Variants in SP100 observed in about 807,000 individuals in gnomAD.
SP100 encodes the protein SP100 nuclear body protein.
SP100 carries 84 observed loss-of-function variants against 130.0 expected under a neutral mutation model. That is an observed-to-expected ratio of 0.65 (90% CI 0.54 to 0.77). The LOEUF is 0.77. SP100 is among the 30% of genes least tolerant of loss of function. The probability of loss-of-function intolerance (pLI) is 0.00; values close to 1 mark genes in which losing one functional copy is unlikely to be tolerated. For synonymous variants in SP100, 331 were observed against 351.7 expected (o/e 0.94, Z 0.66); for missense variants, 978 against 1,052.2 (o/e 0.93, Z 0.97).
At chr2:230,441,003 C>T (rs1239047368) in intron 2 of SP100, among the ~76,000 whole-genome samples, 1 of 151,720 alleles carries the variant, frequency 6.6e-6, no homozygotes, top group Non-Finnish European at 1.5e-5. Context: ...GATTTCTTCC[C>T]ATCAAAAGAC....
rs1481249150 is a variant in SP100 at position 230,466,304 on chromosome 2, C to T, written c.1145C>T (p.Pro382Leu). ...GTTTCTCCCTTTTACTTTACAGAGC[C>T]CATGGATTTCAGAAAATTATCTACA... ...TCSRPQIVPE[P>L]MDFRKLSTFR... The change falls in exon 12 of 29, where the codon CCC (proline) becomes CTC (leucine). Residue 382 changes from proline (P) to leucine (L), a missense_variant. By Grantham distance (98) the Pro-to-Leu change is moderately conservative. Coordinates refer to ENST00000340126, the MANE Select transcript of SP100 (RefSeq NM_001080391.2). The T allele has an allele frequency of 6.4e-7, 1 of 1,574,190 alleles. No individual in the cohort carries two copies. The highest frequency in any genetic ancestry group is 2.2e-5 in the East Asian group (1 of 44,572).
chr2:230,449,735 A>C, intron 7 of SP100, 25 bp downstream of exon 7: 1 of 1,613,614 alleles, frequency 6.2e-7, no homozygotes, highest in Non-Finnish European at 8.5e-7. Flanking sequence ...GTTGGCATGA[A>C]TGGGGAGGAG....
intron 24 of SP100, among the ~76,000 whole-genome samples, chr2:230,520,368 G>T (rs1691115269): frequency 6.6e-6 from 1 of 152,168 alleles, no homozygotes; most frequent in South Asian, 2.1e-4. Context: ...AGGAAAGGTT[G>T]TCCCATCCAA....
chr2:230,504,183 C>T lies in SP100; in HGVS notation c.1766-3C>T, dbSNP rs1365224249. On this transcript the variant is annotated splice_region_variant and splice_polypyrimidine_tract_variant and intron_variant, in intron 20 of 28. Transcript: ENST00000340126. ...GAATGGAAAAAAAAATGCTTCCTTG[C>T]AGGTCCAAGAATTCCCAAAGATGAA... 1 of 1,581,304 alleles carries T rather than the reference C, an allele frequency of 6.3e-7. No homozygotes were observed. The highest frequency in any genetic ancestry group is 8.7e-7 in the Non-Finnish European group (1 of 1,152,116).
chr2:230,486,294 C>A (rs2150028407), intron 17 of SP100, among the ~76,000 whole-genome samples: 2 of 152,148 alleles, frequency 1.3e-5, no homozygotes, highest in South Asian at 4.2e-4. Context: ...TGGTGGTTTG[C>A]TGTACTGATT....
intron 17 of SP100, among the ~76,000 whole-genome samples, chr2:230,487,575 T>C (rs1451075302): frequency 6.6e-6 from 1 of 152,256 alleles, no homozygotes; most frequent in Admixed American, 6.5e-5. Context: ...TTGGTTACTG[T>C]AGCCTTGTAG....
At chr2:230,484,680 A>C (rs148787007) in intron 17 of SP100, among the ~76,000 whole-genome samples, 1 of 152,214 alleles carries the variant, frequency 6.6e-6, no homozygotes, top group Admixed American at 6.5e-5. Flanking sequence ...CTTCCCTTGC[A>C]TTATATCTTT....
intron 8 of SP100, among the ~76,000 whole-genome samples, chr2:230,458,340 G>A (rs1198655880): frequency 6.6e-6 from 1 of 152,160 alleles, no homozygotes; most frequent in African/African-American, 2.4e-5. Context: ...TTCATTAAGT[G>A]GCAATAGGTA....
intron 24 of SP100, among the ~76,000 whole-genome samples, chr2:230,522,104 C>T (rs558758109): frequency 1.8e-4 from 28 of 152,232 alleles, no homozygotes; most frequent in African/African-American, 6.5e-4. Flanking sequence ...GGATTGGCTC[C>T]TATCGATTTG....
intron 5 of SP100, among the ~76,000 whole-genome samples, chr2:230,448,549 A>T (rs761563859): frequency 1.3e-5 from 2 of 152,214 alleles, no homozygotes; most frequent in Non-Finnish European, 2.9e-5. Flanking sequence ...CTAAAAAAAT[A>T]AAAACAGAAA....
At position 230,464,143 on chromosome 2, in the gene SP100, T is replaced by C. The variant is rs2064810985; in HGVS notation, c.1134T>C (p.Ile378=). Reference sequence around the variant, plus strand: ...AAGCCACTTGCTCACGACCCCAGATTGTACCAGGTAAGAATATTAGAGTTG... The same window carrying C: ...AAGCCACTTGCTCACGACCCCAGATCGTACCAGGTAAGAATATTAGAGTTG... ...GQEATCSRPQ[I]VPEPMDFRKL... The change falls in exon 11 of 29, where the codon ATT becomes ATC. Residue 378 remains isoleucine (I), a synonymous_variant. Transcript: ENST00000340126. 1 of 1,601,444 alleles carries C rather than the reference T, an allele frequency of 6.2e-7. No homozygotes were observed. Among genetic ancestry groups the C allele is most frequent in the Non-Finnish European group, 8.6e-7 (1 of 1,168,526 alleles).
At chr2:230,443,546 C>T (rs1156836317) in intron 3 of SP100, among the ~76,000 whole-genome samples, 1 of 152,134 alleles carries the variant, frequency 6.6e-6, no homozygotes, top group Non-Finnish European at 1.5e-5. Context: ...ACATTAAAAC[C>T]CACAGGGAAT....
rs1205866013 is a variant in SP100, at chr2:230,450,266, C to A, written c.820+11C>A. ...CCTGTGATGAAGAAAGTAATTATTGCTTACCTTGCCTATTTTCTTTCCTTT... is the reference window on the plus strand; with the variant it reads ...CCTGTGATGAAGAAAGTAATTATTGATTACCTTGCCTATTTTCTTTCCTTT... On this transcript the variant is annotated intron_variant, in intron 8 of 28. Coordinates refer to ENST00000340126, the MANE Select transcript of SP100 (RefSeq NM_001080391.2). The A allele has an allele frequency of 6.3e-7, 1 of 1,591,006 alleles. No individual in the cohort carries two copies. The highest frequency in any genetic ancestry group is 8.6e-7 in the Non-Finnish European group (1 of 1,160,046).
chr2:230,538,043 T>A, intron 24 of SP100: 1 of 152,216 alleles, frequency 6.6e-6, no homozygotes, highest in East Asian at 1.9e-4. Flanking sequence ...AACTATTGAC[T>A]GCACATTAGA....
At chr2:230,427,725 T>G (rs2062977175) in intron 2 of SP100, among the ~76,000 whole-genome samples, 1 of 152,180 alleles carries the variant, frequency 6.6e-6, no homozygotes, top group South Asian at 2.1e-4. Flanking sequence ...TACTACAGGT[T>G]TCTACTTAGT....
intron 5 of SP100, among the ~76,000 whole-genome samples, chr2:230,448,612 AAT>A (rs1559493612): frequency 6.6e-6 from 1 of 152,118 alleles, no homozygotes; most frequent in Non-Finnish European, 1.5e-5. Context: ...AGAAAAAAAG[AAT>A]ACCAAGAGCT....
chr2:230,495,569 C>T (rs1002426145), intron 18 of SP100, among the ~76,000 whole-genome samples: 2 of 152,196 alleles, frequency 1.3e-5, no homozygotes, highest in African/African-American at 4.8e-5. Flanking sequence ...ATCCACCTGC[C>T]TCGGCCTCCC....
At position 230,416,276 on chromosome 2, in the gene SP100, C is replaced by A; in HGVS notation, c.-21C>A. The A allele has an allele frequency of 6.2e-7, 1 of 1,610,740 alleles. No homozygotes were observed. The highest frequency in any genetic ancestry group is 8.5e-7 in the Non-Finnish European group (1 of 1,177,554). ...CTCAGAGGCCAGGCTCTGAGGCCCACGCAGGGCCTAGGGTGGGAAGATGGC... is the reference window on the plus strand; with the variant it reads ...CTCAGAGGCCAGGCTCTGAGGCCCAAGCAGGGCCTAGGGTGGGAAGATGGC... On this transcript the variant is annotated 5_prime_UTR_variant, in exon 1 of 29. Coordinates refer to ENST00000340126, the MANE Select transcript of SP100 (RefSeq NM_001080391.2).
rs1227732423 is a variant in SP100, at chr2:230,511,105, C to G, written c.2053-20C>G. 6.4e-7 allele frequency: 1 copy of G among 1,553,054 alleles called. No individual in the cohort carries two copies. The highest frequency in any genetic ancestry group is 1.7e-5 in the Admixed American group (1 of 59,886). ...AAATCACACTCAATATTGTACCAATCTTTCTGTTTTTTTCAACAGAGAATA... is the reference window on the plus strand; with the variant it reads ...AAATCACACTCAATATTGTACCAATGTTTCTGTTTTTTTCAACAGAGAATA... On this transcript the variant is annotated intron_variant, in intron 23 of 28. Transcript: ENST00000340126.
Sources: gnomAD v4.1 joint callset for allele counts (sites outside exome capture counted in the v4.1 genomes callset) on GRCh38, gnomAD v4.1.1 for gene constraint, MANE v1.5 for transcripts, NCBI Gene and HGNC (gene_info 2026-07-23, HGNC 2026-07-21) for gene names.